CADPS: variants seen among roughly 807,000 people sequenced by gnomAD.
CADPS encodes the protein calcium-dependent secretion activator 1.
CADPS carries 57 observed loss-of-function variants against 167.3 expected under a neutral mutation model. The observed-to-expected ratio is 0.34, with a 90% confidence interval of 0.28 to 0.42. CADPS has a LOEUF of 0.42. Among genes scored for constraint, CADPS ranks in the 20% least tolerant of loss-of-function variants. CADPS has a pLI of 1.00. For missense variants in CADPS, 1,414 were observed against 1,738.1 expected (o/e 0.81, Z 3.32); for synonymous variants, 676 against 635.3 (o/e 1.06, Z -0.96).
At chr3:62,571,356 G>T (rs1427046122) in intron 8 of CADPS, among the ~76,000 whole-genome samples, 1 of 152,088 alleles carries the variant, frequency 6.6e-6, no homozygotes, top group Non-Finnish European at 1.5e-5. Context: ...TTGCTGTATT[G>T]CAGGTGTATT....
At chr3:62,563,304 T>C (rs902280945) in intron 9 of CADPS, among the ~76,000 whole-genome samples, 1 of 152,238 alleles carries the variant, frequency 6.6e-6, no homozygotes, top group Non-Finnish European at 1.5e-5. Context: ...GTCTTACAAT[T>C]CATTTTTGTG....
At chr3:62,700,270 G>A (rs989141407) in intron 3 of CADPS, among the ~76,000 whole-genome samples, 1 of 152,084 alleles carries the variant, frequency 6.6e-6, no homozygotes. Flanking sequence ...AGTATGGGCT[G>A]GACCTGGCGA....
chr3:62,471,046 T>C (rs538448432), intron 24 of CADPS, among the ~76,000 whole-genome samples: 18 of 152,306 alleles, frequency 1.2e-4, no homozygotes, highest in African/African-American at 4.3e-4. Context: ...TGATTTTATA[T>C]CCAGAATTAG....
intron 3 of CADPS, among the ~76,000 whole-genome samples, chr3:62,670,077 C>T (rs1017630575): frequency 1.3e-5 from 2 of 152,140 alleles, no homozygotes; most frequent in African/African-American, 4.8e-5. Context: ...CTGCCTGTGA[C>T]ACATATTCAC....
At chr3:62,708,431 G>A (rs949121936) in intron 3 of CADPS, among the ~76,000 whole-genome samples, 2 of 152,002 alleles carry the variant, frequency 1.3e-5, no homozygotes, top group Non-Finnish European at 2.9e-5. Context: ...ATGATCTGAT[G>A]TGTTAATATT....
intron 9 of CADPS, among the ~76,000 whole-genome samples, chr3:62,569,080 G>A (rs1310396587): frequency 6.6e-6 from 1 of 152,136 alleles, no homozygotes; most frequent in Admixed American, 6.6e-5. Context: ...AGCCTCAATT[G>A]CTTAGCCATG....
intron 1 of CADPS, among the ~76,000 whole-genome samples, chr3:62,854,217 A>G (rs771046945): frequency 6.6e-6 from 1 of 152,184 alleles, no homozygotes; most frequent in African/African-American, 2.4e-5. Flanking sequence ...AAATTAAGAG[A>G]GAATTTGTGT....
In CADPS at chr3:62,765,952, G is replaced by A. The variant is rs746147037; in HGVS notation, c.474C>T (p.Asp158=). 6.2e-7 allele frequency: 1 copy of A among 1,613,338 alleles called. No individual in the cohort carries two copies. The highest frequency in any genetic ancestry group is 2.2e-5 in the East Asian group (1 of 44,862). The change falls in exon 2 of 30, where the codon GAC becomes GAT. Residue 158 remains aspartate (D), a synonymous_variant. Transcript: ENST00000383710. ...ISKQQLQTVK[D]RFQAFLNGET... Reference sequence around the variant, plus strand: ...CCCCATTGAGGAAAGCCTGAAACCGGTCCTTGACTGTCTGCAGCTGCTGTT... The same window carrying A: ...CCCCATTGAGGAAAGCCTGAAACCGATCCTTGACTGTCTGCAGCTGCTGTT...
At chr3:62,759,844 A>C (rs79516819) in intron 2 of CADPS, among the ~76,000 whole-genome samples, 1 of 152,148 alleles carries the variant, frequency 6.6e-6, no homozygotes, top group African/African-American at 2.4e-5. Context: ...CGGTCATTTG[A>C]AACACATCTT....
chr3:62,534,816 A>G (rs1172503763), intron 12 of CADPS, among the ~76,000 whole-genome samples: 1 of 152,182 alleles, frequency 6.6e-6, no homozygotes, highest in Non-Finnish European at 1.5e-5. Context: ...ATAATGACTA[A>G]TATACACAGG....
intron 10 of CADPS, among the ~76,000 whole-genome samples, chr3:62,552,349 G>T (rs769460987): frequency 6.6e-6 from 1 of 152,066 alleles, no homozygotes; most frequent in Non-Finnish European, 1.5e-5. Flanking sequence ...TGCACGTTGT[G>T]CACATGTACC....
chr3:62,828,943 C>T (rs946847454), intron 1 of CADPS, among the ~76,000 whole-genome samples: 3 of 152,268 alleles, frequency 2.0e-5, no homozygotes, highest in Non-Finnish European at 4.4e-5. Flanking sequence ...AACTGTGTTA[C>T]ATTCAGTGTA....
chr3:62,738,275 T>C (rs947857676), intron 3 of CADPS, among the ~76,000 whole-genome samples: 2 of 152,204 alleles, frequency 1.3e-5, no homozygotes, highest in African/African-American at 4.8e-5. Flanking sequence ...TACTTCTTGA[T>C]GACAAAAGGA....
At chr3:62,723,993 T>C (rs1045763032) in intron 3 of CADPS, among the ~76,000 whole-genome samples, 2 of 152,186 alleles carry the variant, frequency 1.3e-5, no homozygotes, top group African/African-American at 4.8e-5. Flanking sequence ...TGTGGGCACT[T>C]CTGTGTCCAA....
chr3:62,742,162 G>T (rs1173205224), intron 3 of CADPS, among the ~76,000 whole-genome samples: 1 of 152,112 alleles, frequency 6.6e-6, no homozygotes, highest in East Asian at 1.9e-4. Flanking sequence ...AATGCTCATG[G>T]ATAGAAAGAA....
intron 3 of CADPS, among the ~76,000 whole-genome samples, chr3:62,682,974 CAA>C (rs2077391992): frequency 1.3e-5 from 2 of 152,014 alleles, no homozygotes; most frequent in African/African-American, 4.8e-5. Flanking sequence ...GTTAACCAGG[CAA>C]AGAGAAGTGA....
At chr3:62,424,430 G>T (rs550945950) in intron 28 of CADPS, among the ~76,000 whole-genome samples, 1 of 152,190 alleles carries the variant, frequency 6.6e-6, no homozygotes, top group Non-Finnish European at 1.5e-5. Context: ...TGATTTGCCT[G>T]CCTCGGCCTC....
intron 3 of CADPS, among the ~76,000 whole-genome samples, chr3:62,717,612 A>G (rs2151920784): frequency 6.6e-6 from 1 of 152,176 alleles, no homozygotes; most frequent in East Asian, 1.9e-4. Context: ...CCTTGTTTCC[A>G]TATTGTTCTG....
At chr3:62,448,802 T>C (rs1478663742) in intron 26 of CADPS, among the ~76,000 whole-genome samples, 3 of 152,096 alleles carry the variant, frequency 2.0e-5, no homozygotes, top group African/African-American at 7.2e-5. Context: ...TTAGTAGAGA[T>C]GGGGTTTCAC....
Sources: gnomAD v4.1 joint callset for allele counts (sites outside exome capture counted in the v4.1 genomes callset) on GRCh38, gnomAD v4.1.1 for gene constraint, MANE v1.5 for transcripts, NCBI Gene and HGNC (gene_info 2026-07-23, HGNC 2026-07-21) for gene names.